Variants in SCAMP1 observed in about 807,000 individuals in gnomAD.
The protein encoded by SCAMP1 is secretory carrier-associated membrane protein 1.
SCAMP1 carries 15 observed loss-of-function variants against 41.8 expected under a neutral mutation model. That is an observed-to-expected ratio of 0.36 (90% CI 0.24 to 0.55). The LOEUF (loss-of-function observed/expected upper bound fraction) is 0.55. Ranked by LOEUF, SCAMP1 falls within the 20% of genes least tolerant of loss-of-function variation. SCAMP1 has a pLI of 0.86. For missense variants in SCAMP1, 341 were observed against 412.6 expected (o/e 0.83, Z 1.50); for synonymous variants, 135 against 136.8 (o/e 0.99, Z 0.09).
At chr5:78,413,673 C>T (rs1428429734) in intron 2 of SCAMP1, among the ~76,000 whole-genome samples, 1 of 152,310 alleles carries the variant, frequency 6.6e-6, no homozygotes, top group East Asian at 1.9e-4. Context: ...CCACCTTGGC[C>T]TCCCAAAGTG....
chr5:78,457,901 A>T (rs1753469799), intron 7 of SCAMP1: 1 of 153,820 alleles, frequency 6.5e-6, no homozygotes, highest in Non-Finnish European at 1.4e-5. Flanking sequence ...GCCATTTTTT[A>T]AGCCGGTCCG....
chr5:78,398,355 C>CTT (rs1197381285), intron 2 of SCAMP1, among the ~76,000 whole-genome samples: 15,737 of 57,410 alleles, frequency 0.27, 5,068 homozygotes, highest in Non-Finnish European at 0.36. Context: ...GGGTTCACCT[C>CTT]TTTTTTTTTT....
intron 7 of SCAMP1, among the ~76,000 whole-genome samples, chr5:78,455,821 G>A (rs1455479065): frequency 7.6e-5 from 8 of 105,684 alleles, no homozygotes; most frequent in Non-Finnish European, 1.5e-4. Context: ...GGGAGTCTAA[G>A]TCTCTTTGTA....
intron 1 of SCAMP1, among the ~76,000 whole-genome samples, chr5:78,371,345 G>T (rs1192625869): frequency 6.6e-6 from 1 of 152,128 alleles, no homozygotes; most frequent in Non-Finnish European, 1.5e-5. Flanking sequence ...TATTTGGTAT[G>T]ACGTAAGGTC....
At chr5:78,448,504 T>C (rs1753133018) in intron 6 of SCAMP1, among the ~76,000 whole-genome samples, 4 of 152,210 alleles carry the variant, frequency 2.6e-5, no homozygotes, top group African/African-American at 9.6e-5. Context: ...ATATTTTAAT[T>C]AGTTCATGAA....
intron 6 of SCAMP1, among the ~76,000 whole-genome samples, chr5:78,431,699 A>G (rs1411200041): frequency 6.6e-6 from 1 of 151,752 alleles, no homozygotes; most frequent in African/African-American, 2.4e-5. Flanking sequence ...ATTCTGCTTC[A>G]TATGTACTGT....
chr5:78,452,636 C>G (rs1326313950), intron 7 of SCAMP1, among the ~76,000 whole-genome samples: 1 of 151,480 alleles, frequency 6.6e-6, no homozygotes, highest in East Asian at 1.9e-4. Flanking sequence ...GTGAATAATG[C>G]TGCAATAAAC....
intron 2 of SCAMP1, among the ~76,000 whole-genome samples, chr5:78,398,916 T>C (rs746981249): frequency 1.3e-5 from 2 of 152,164 alleles, no homozygotes; most frequent in Non-Finnish European, 2.9e-5. Context: ...TCCATTATTA[T>C]AACATCATAC....
chr5:78,392,253 T>C (rs1390509321), intron 2 of SCAMP1, among the ~76,000 whole-genome samples: 1 of 152,258 alleles, frequency 6.6e-6, no homozygotes, highest in Non-Finnish European at 1.5e-5. Flanking sequence ...TATTATCTTA[T>C]TGAATTCTCA....
chr5:78,392,050 GAGGGAGAGGGAGA>G, intron 2 of SCAMP1, among the ~76,000 whole-genome samples: 1 of 99,660 alleles, frequency 1.0e-5, no homozygotes, highest in East Asian at 2.3e-4. Context: ...CGTGGAAAGA[GAGGGAGAGGGAGA>G]CCGTGGAAAG....
At chr5:78,469,174 C>T (rs1219462336) in intron 8 of SCAMP1, among the ~76,000 whole-genome samples, 2 of 152,132 alleles carry the variant, frequency 1.3e-5, no homozygotes, top group African/African-American at 2.4e-5. Context: ...CTTGTCTCTT[C>T]CACTTTGTAA....
chr5:78,361,097 C>A, intron 1 of SCAMP1: 1 of 207,960 alleles, frequency 4.8e-6, no homozygotes, highest in Non-Finnish European at 9.7e-6. Flanking sequence ...CTGGCAGGGC[C>A]GGGAGTCGGC....
chr5:78,453,507 G>C lies in SCAMP1; in HGVS notation c.734+3473G>C, dbSNP rs1334396798. On this transcript the variant is annotated intron_variant, in intron 7 of 8. Coordinates refer to ENST00000621999, the MANE Select transcript of SCAMP1 (RefSeq NM_004866.6). ...GATCAGATAGTTGTAGATGTGTGGC[G>C]TTATTTCTGAGGGCTCTGTTCTGTT... 9.2e-5 allele frequency among the ~76,000 whole-genome samples: 14 copies of C among 151,952 alleles called. No homozygotes were observed. The East Asian group carries it at 2.5e-3, about 27-fold the overall frequency.
At chr5:78,384,694 T>TG (rs397792995) in intron 1 of SCAMP1, among the ~76,000 whole-genome samples, 5 of 152,052 alleles carry the variant, frequency 3.3e-5, no homozygotes, top group Non-Finnish European at 5.9e-5. Context: ...TGCTTTTTTT[T>TG]GTCTATTGAG....
At chr5:78,414,008 A>C (rs2112133546) in intron 2 of SCAMP1, among the ~76,000 whole-genome samples, 1 of 141,436 alleles carries the variant, frequency 7.1e-6, no homozygotes, top group South Asian at 2.3e-4. Flanking sequence ...TGTTCTTTTC[A>C]TGTTCCCATC....
chr5:78,371,300 A>G (rs1750938158), intron 1 of SCAMP1, among the ~76,000 whole-genome samples: 1 of 152,106 alleles, frequency 6.6e-6, no homozygotes, highest in African/African-American at 2.4e-5. Flanking sequence ...TAGCTGTTGA[A>G]TTTAGGTCTA....
chr5:78,448,600 A>T (rs189710228), intron 6 of SCAMP1, among the ~76,000 whole-genome samples: 2 of 152,358 alleles, frequency 1.3e-5, no homozygotes, highest in Admixed American at 6.5e-5. Flanking sequence ...ACCATGTAAG[A>T]TATTACTGTA....
At chr5:78,366,467 A>T (rs1258138297) in intron 1 of SCAMP1, among the ~76,000 whole-genome samples, 2 of 151,846 alleles carry the variant, frequency 1.3e-5, no homozygotes, top group Non-Finnish European at 1.5e-5. Flanking sequence ...TTTAATAGGG[A>T]TATTAATCCC....
rs6453395 is a variant in SCAMP1 at position 78,480,349 on chromosome 5, A to G, written c.*4681A>G. Among the ~76,000 whole-genome samples, 5,812 of 152,318 alleles carry G rather than the reference A, an allele frequency of 0.038. 394 individuals carry two copies. The highest frequency in any genetic ancestry group is 0.13 in the African/African-American group (5,398 of 41,546). On this transcript the variant is annotated 3_prime_UTR_variant, in exon 9 of 9. Transcript: ENST00000621999. ...CATTAAAACAGTTCTAGTTTGTAGA[A>G]TAATACCATACAAGTTTTATTTTTA...
Sources: allele counts gnomAD v4.1 joint callset (sites outside exome capture counted in the v4.1 genomes callset), GRCh38; gene constraint gnomAD v4.1.1; transcripts MANE v1.5; gene names NCBI Gene and HGNC (gene_info 2026-07-23, HGNC 2026-07-21).